The following CCDC150 variants were observed in gnomAD, a reference collection of about 807,000 sequenced individuals.
CCDC150 encodes the protein coiled-coil domain containing 150, also known as coiled-coil domain-containing protein 150.
CCDC150 carries 151 observed loss-of-function variants against 156.5 expected under a neutral mutation model. The ratio of observed to expected loss-of-function variants is 0.97; its 90% CI spans 0.85 to 1.10. The LOEUF (loss-of-function observed/expected upper bound fraction) is 1.10, where lower values mean the gene tolerates loss of function less well. Among genes scored for constraint, CCDC150 ranks in the 50% least tolerant of loss-of-function variants. The pLI is 0.00. For missense variants in CCDC150, 1,312 were observed against 1,268.1 expected (o/e 1.03, Z -0.53); for synonymous variants, 452 against 429.4 (o/e 1.05, Z -0.65).
intron 15 of CCDC150, among the ~76,000 whole-genome samples, chr2:196,702,343 CTG>C (rs3220631): frequency 0.06 from 8,583 of 143,714 alleles, 278 homozygotes; most frequent in Middle Eastern, 0.089. Context: ...GACTGAAGTG[CTG>C]TGTGTGTGTG....
At chr2:196,662,524 A>C (rs1156262266) in intron 5 of CCDC150, among the ~76,000 whole-genome samples, 1 of 152,126 alleles carries the variant, frequency 6.6e-6, no homozygotes, top group Non-Finnish European at 1.5e-5. Context: ...GTCCTATGAG[A>C]ATCTAATGCT....
intron 21 of CCDC150, among the ~76,000 whole-genome samples, chr2:196,724,709 A>G (rs1698113441): frequency 6.6e-6 from 1 of 152,194 alleles, no homozygotes; most frequent in Admixed American, 6.5e-5. Flanking sequence ...TGATATAATC[A>G]CAATAAATTT....
chr2:196,706,022 C>T (rs4850726), intron 15 of CCDC150, among the ~76,000 whole-genome samples: 117,370 of 152,178 alleles, frequency 0.77, 45,458 homozygotes, highest in East Asian at 0.95. Flanking sequence ...TTAAGACTGC[C>T]TTGGCAATGC....
rs758639895 is a variant in CCDC150 at position 196,669,843 on chromosome 2, T to C, written c.903T>C (p.Asp301=). 4 of 1,610,342 alleles carry C rather than the reference T, an allele frequency of 2.5e-6. No individual in the cohort carries two copies. In the East Asian group the frequency reaches 6.7e-5, roughly 27 times the overall value. ...AATTTTTGTTTTTAGCTTCTAGAGA[T>C]GACCTCATTTCCAAGTTGGTTGAAG... ...SQLKSDLTSR[D]DLISKLVEEN... The change falls in exon 8 of 28, where the codon GAT becomes GAC. Residue 301 remains aspartate, a synonymous_variant. Coordinates refer to ENST00000389175, the MANE Select transcript of CCDC150 (RefSeq NM_001080539.2).
rs1696177995 is a variant in CCDC150, at chr2:196,701,151, A to G, written c.1666A>G (p.Lys556Glu). The G allele has an allele frequency of 6.2e-7, 1 of 1,609,016 alleles. No homozygotes were observed. Among genetic ancestry groups the G allele is most frequent in the African/African-American group, 1.3e-5 (1 of 74,846 alleles). ...GGAAAAAATCACTGAAAGTAAAAAT[A>G]AACTGGCCTATGAAAACGGAAAACT... ...KVEKITESKN[K>E]LAYENGKLQI... The change falls in exon 15 of 28, where the codon AAA becomes GAA. Residue 556 changes from lysine (K) to glutamate (E), a missense_variant. By Grantham distance (56) the Lys-to-Glu change is moderately conservative. Coordinates refer to ENST00000389175, the MANE Select transcript of CCDC150 (RefSeq NM_001080539.2).
chr2:196,714,594 T>TC (rs1697374066), intron 17 of CCDC150, among the ~76,000 whole-genome samples: 2 of 152,320 alleles, frequency 1.3e-5, no homozygotes, highest in South Asian at 4.1e-4. Flanking sequence ...CCAGGTGTTT[T>TC]CCTTTTGATC....
intron 5 of CCDC150, among the ~76,000 whole-genome samples, chr2:196,663,902 T>G (rs1409181759): frequency 6.6e-6 from 1 of 152,154 alleles, no homozygotes; most frequent in Non-Finnish European, 1.5e-5. Flanking sequence ...GGAATAGCAT[T>G]CTCTGCAATT....
intron 1 of CCDC150, among the ~76,000 whole-genome samples, chr2:196,642,867 G>T (rs1420392047): frequency 1.3e-5 from 2 of 152,118 alleles, no homozygotes; most frequent in Admixed American, 1.3e-4. Context: ...AGCCTCCCAA[G>T]TAGCTAGGGC....
At chr2:196,686,844 TATAAG>T (rs1270591797) in intron 13 of CCDC150, among the ~76,000 whole-genome samples, 1 of 152,176 alleles carries the variant, frequency 6.6e-6, no homozygotes, top group Admixed American at 6.5e-5. Context: ...AGCTCCCACT[TATAAG>T]AGAACATGCA....
intron 17 of CCDC150, chr2:196,713,395 A>G (rs1359995876): frequency 5.9e-6 from 9 of 1,530,790 alleles, no homozygotes; most frequent in Non-Finnish European, 7.0e-6. Context: ...AGAGGACTGC[A>G]TCTTCAAAAT....
chr2:196,667,187 A>T (rs1043444514), intron 7 of CCDC150: 1 of 322,202 alleles, frequency 3.1e-6, no homozygotes, highest in Non-Finnish European at 5.9e-6. Context: ...GAATATTAGT[A>T]AGGTAGTAAG....
intron 9 of CCDC150, 74 bp from the exon 10 acceptor site, chr2:196,674,167 T>C: frequency 1.1e-6 from 1 of 908,856 alleles, no homozygotes; most frequent in Non-Finnish European, 1.7e-6. Flanking sequence ...ATGCAATCAT[T>C]AAAAATAATA....
chr2:196,721,371 T>G (rs1328076237), intron 20 of CCDC150, 151 bp from the exon 21 acceptor site: 1 of 322,006 alleles, frequency 3.1e-6, no homozygotes. Context: ...TATATATATT[T>G]TCCAGGCAGC....
intron 2 of CCDC150, 119 bp downstream of exon 2, chr2:196,646,623 T>G (rs770567314): frequency 4.0e-6 from 3 of 747,484 alleles, no homozygotes; most frequent in African/African-American, 1.7e-5. Flanking sequence ...TAATTTTCAT[T>G]TGAGCATCAC....
chr2:196,655,706 T>C (rs1053077458), intron 2 of CCDC150, among the ~76,000 whole-genome samples: 1 of 152,138 alleles, frequency 6.6e-6, no homozygotes, highest in African/African-American at 2.4e-5. Flanking sequence ...AGGATTGTGA[T>C]CTGGGGAGAT....
intron 2 of CCDC150, among the ~76,000 whole-genome samples, chr2:196,656,408 T>A (rs1693189708): frequency 6.6e-6 from 1 of 152,202 alleles, no homozygotes; most frequent in South Asian, 2.1e-4. Context: ...TCAACTTGTT[T>A]CTGACTTTCT....
Position 196,729,298 on chromosome 2 carries a change from A to T in CCDC150, c.2662A>T (p.Asn888Tyr), listed in dbSNP as rs1698398711. ...LAELEKILES[N>Y]KEKIKNQKTQ... is the part of the protein sequence containing the mutation. ...AGAGCTAGAAAAAATACTAGAAAGT[A>T]ACAAGGAGAAAATAAAGAATCAAAA... Residue 888 changes from asparagine (N) to tyrosine (Y), a missense_variant, in exon 23 of 28, where the codon AAC becomes TAC. Coordinates refer to ENST00000389175, the MANE Select transcript of CCDC150 (RefSeq NM_001080539.2). The T allele has an allele frequency of 6.2e-7, 1 of 1,613,834 alleles. No homozygotes were observed. The highest frequency in any genetic ancestry group is 1.3e-5 in the African/African-American group (1 of 74,924).
chr2:196,656,764 G>C lies in CCDC150; in HGVS notation c.308G>C (p.Arg103Pro). ...LWKNCEFLVN[R>P]MCRLESLMQS... ...AAGAACTGTGAGTTTCTGGTAAATC[G>C]AATGTGCCGTCTTGAAAGCCTCATG... The change falls in exon 3 of 28, where the codon CGA (arginine) becomes CCA (proline). Residue 103 changes from arginine (R) to proline (P), a missense_variant. Coordinates refer to ENST00000389175, the MANE Select transcript of CCDC150 (RefSeq NM_001080539.2). 2.5e-6 allele frequency: 4 copies of C among 1,613,842 alleles called. No homozygotes were observed. Among genetic ancestry groups the C allele is most frequent in the Non-Finnish European group, 3.4e-6 (4 of 1,179,792 alleles).
intron 14 of CCDC150, among the ~76,000 whole-genome samples, chr2:196,697,971 G>A (rs1291647580): frequency 1.3e-5 from 2 of 152,074 alleles, no homozygotes; most frequent in East Asian, 3.9e-4. Flanking sequence ...TCTAATGTTT[G>A]GTATCTTTCT....
Sources: allele counts gnomAD v4.1 joint callset (sites outside exome capture counted in the v4.1 genomes callset), GRCh38; gene constraint gnomAD v4.1.1; transcripts MANE v1.5; gene names NCBI Gene and HGNC (gene_info 2026-07-23, HGNC 2026-07-21).